The following CRACR2B variants were observed in gnomAD, a reference collection of about 807,000 sequenced individuals.
CRACR2B encodes calcium release activated channel regulator 2B, also known as EF-hand calcium-binding domain-containing protein 4A.
Under a neutral mutation model 46.0 loss-of-function variants are expected in CRACR2B, and 50 were observed. The ratio of observed to expected loss-of-function variants is 1.09; its 90% CI spans 0.87 to 1.38. CRACR2B has a LOEUF of 1.38. CRACR2B is among the 40% of genes most tolerant of loss of function. CRACR2B has a pLI of 0.00. For missense variants in CRACR2B, 667 were observed against 535.0 expected (o/e 1.25, Z -2.43); for synonymous variants, 277 against 239.6 (o/e 1.16, Z -1.44).
chr11:827,616 GACA>G (rs1297986574), upstream of CRACR2B: 6 of 881,814 alleles, frequency 6.8e-6, no homozygotes, highest in African/African-American at 9.1e-5. Flanking sequence ...GGGCGGGCGA[GACA>G]ACAACGTGGC....
chr11:828,710 G>A lies in CRACR2B; in HGVS notation c.103G>A (p.Glu35Lys), dbSNP rs774338646. The change falls in exon 1 of 9, where the codon GAG becomes AAG. Residue 35 changes from glutamate to lysine, a missense_variant. Physicochemically the swap from Glu to Lys is moderately conservative, Grantham distance 56 (BLOSUM62 1). Coordinates refer to ENST00000525077, the MANE Select transcript of CRACR2B (RefSeq NM_001286606.2). ...GCGGGCTGCAATACTGGAGCAGGCT[G>A]AGGAGCTGTTTCTGCTGTGTGACAA... is the stretch of plus-strand genomic sequence containing the variant. ...GPRAAILEQA[E>K]ELFLLCDKEA... 1.2e-5 allele frequency: 19 copies of A among 1,613,126 alleles called. No homozygotes were observed. The highest frequency in any genetic ancestry group is 1.5e-5 in the Non-Finnish European group (18 of 1,179,808).
In CRACR2B at chr11:829,341, G is replaced by A. The variant is rs976375254; in HGVS notation, c.278-19G>A. ...GTGGCGACCCACAGCCCTGGTAATC[G>A]CTCGCTCCATGCCCGCAGGGATGTT... On this transcript the variant is annotated intron_variant, in intron 2 of 8. Transcript: ENST00000525077. The A allele has an allele frequency of 3.1e-6, 5 of 1,587,390 alleles. No individual in the cohort carries two copies. The highest frequency in any genetic ancestry group is 4.3e-6 in the Non-Finnish European group (5 of 1,170,432).
At position 830,241 on chromosome 11, in the gene CRACR2B, C is replaced by A. The variant is rs895045991; in HGVS notation, c.606-9C>A. ...AAGTTCTCATCCGGGGTCGCCCGGTCCCCCGAAGGCGCGAGAGCGAGCACG... is the reference window on the plus strand; with the variant it reads ...AAGTTCTCATCCGGGGTCGCCCGGTACCCCGAAGGCGCGAGAGCGAGCACG... On this transcript the variant is annotated splice_polypyrimidine_tract_variant and intron_variant, in intron 4 of 8. Transcript: ENST00000525077. The A allele has an allele frequency of 2.0e-6, 3 of 1,503,462 alleles. No homozygotes were observed. The highest frequency in any genetic ancestry group is 2.7e-6 in the Non-Finnish European group (3 of 1,123,774). 93.1% of individuals were successfully genotyped at this position (1,503,462 alleles called of 1,614,324 possible). A position where few individuals can be genotyped will look rare whatever the true frequency, so the allele number is the denominator to read the frequency against.
chr11:830,730 T>A lies in CRACR2B; in HGVS notation c.786+17T>A. The A allele has an allele frequency of 6.6e-7, 1 of 1,518,058 alleles. No individual in the cohort carries two copies. Among genetic ancestry groups the A allele is most frequent in the East Asian group, 2.5e-5 (1 of 40,636 alleles). The allele number at this position is 1,518,058 out of a possible 1,614,324, so 94.0% of individuals were successfully genotyped here. A position where few individuals can be genotyped will look rare whatever the true frequency, so the allele number is the denominator to read the frequency against. ...CAGCGGGAGGTGAGCACCCGGCCCC[T>A]GCCCTGTCCCCACGGTCACCCGTGC... is the stretch of plus-strand genomic sequence containing the variant. On this transcript the variant is annotated intron_variant, in intron 6 of 8. Transcript: ENST00000525077.
At position 831,769 on chromosome 11, in the gene CRACR2B, T is replaced by G. The variant is rs867887701; in HGVS notation, c.*60T>G. 6.8e-7 allele frequency: 1 copy of G among 1,460,368 alleles called. No homozygotes were observed. The highest frequency in any genetic ancestry group is 1.5e-5 in the African/African-American group (1 of 68,230). The allele number at this position is 1,460,368 out of a possible 1,614,324, so 90.5% of individuals were successfully genotyped here. ...AGCTGCCCTTGCAGGAGGCTTGTCA[T>G]GGGTCGGGGGTGCCCACTCAGGATG... On this transcript the variant is annotated 3_prime_UTR_variant, in exon 9 of 9. Coordinates refer to ENST00000525077, the MANE Select transcript of CRACR2B (RefSeq NM_001286606.2).
At chr11:826,991 G>A (rs1228276147), upstream of CRACR2B, among the ~76,000 whole-genome samples, 1 of 152,210 alleles carries the variant, frequency 6.6e-6, no homozygotes, top group Non-Finnish European at 1.5e-5. Flanking sequence ...CCCAGGCGCT[G>A]GTGTCTGCGC....
At chr11:830,830 G>T in intron 6 of CRACR2B, 36 bp from the exon 7 acceptor site, 1 of 1,495,762 alleles carries the variant, frequency 6.7e-7, no homozygotes, top group South Asian at 1.3e-5. Flanking sequence ...GGAAGAGGGG[G>T]CGTTCCTCGC....
At chr11:829,655 G>T in intron 3 of CRACR2B, 115 bp downstream of exon 3, 1 of 1,205,150 alleles carries the variant, frequency 8.3e-7, no homozygotes, top group Non-Finnish European at 1.1e-6. Context: ...GCCGGGTCAG[G>T]CCCAGCCTAG....
chr11:829,686 G>T, intron 3 of CRACR2B, 146 bp downstream of exon 3: 1 of 1,074,898 alleles, frequency 9.3e-7, no homozygotes, highest in Non-Finnish European at 1.3e-6. Flanking sequence ...GATTCCCTGG[G>T]AGGGACCCGG....
intron 6 of CRACR2B, 76 bp from the exon 7 acceptor site, chr11:830,790 C>T (rs564817336): frequency 1.3e-6 from 2 of 1,481,932 alleles, no homozygotes; most frequent in African/African-American, 1.4e-5. Flanking sequence ...CCCGGGTTGT[C>T]GGGAGCCTGG....
chr11:830,363 G>T (rs765430831), intron 5 of CRACR2B, 26 bp downstream of exon 5: 6 of 1,536,374 alleles, frequency 3.9e-6, no homozygotes, highest in Non-Finnish European at 5.2e-6. Context: ...CGCCCCTCCC[G>T]CCAGGCCCAA....
rs750929517 is a variant in CRACR2B at position 830,078 on chromosome 11, C to T, written c.551C>T (p.Ala184Val). ...GAGGATGTTCTGATACGCGCGTCGGCCTGCCTGGAGGAGGCGGCCCGGGAG... is the reference window on the plus strand; with the variant it reads ...GAGGATGTTCTGATACGCGCGTCGGTCTGCCTGGAGGAGGCGGCCCGGGAG... ...SFEDVLIRAS[A>V]CLEEAARERD... Residue 184 changes from alanine to valine, a missense_variant, in exon 4 of 9, where the codon GCC (alanine) becomes GTC (valine). Coordinates refer to ENST00000525077, the MANE Select transcript of CRACR2B (RefSeq NM_001286606.2). 1.9e-6 allele frequency: 3 copies of T among 1,549,214 alleles called. No individual in the cohort carries two copies. Among genetic ancestry groups the T allele is most frequent in the South Asian group, 2.3e-5 (2 of 85,288 alleles).
intron 7 of CRACR2B, 27 bp downstream of exon 7, chr11:831,059 C>T: frequency 6.5e-7 from 1 of 1,536,278 alleles, no homozygotes; most frequent in Non-Finnish European, 8.7e-7. Flanking sequence ...CTGGGCGGGC[C>T]CCGGTGCGTG....
Position 829,983 on chromosome 11 carries a change from C to T in CRACR2B, c.459-3C>T. On this transcript the variant is annotated splice_polypyrimidine_tract_variant and splice_region_variant and intron_variant, in intron 3 of 8. Transcript: ENST00000525077. ...CCAGCCTCAGTTCCCGCCCGCCCTC[C>T]AGGCAGCGGGCTGTGAGGACGCTCT... The T allele has an allele frequency of 6.4e-7, 1 of 1,564,128 alleles. No homozygotes were observed. The highest frequency in any genetic ancestry group is 8.6e-7 in the Non-Finnish European group (1 of 1,161,494).
chr11:829,215 T>G (rs1320424233), intron 2 of CRACR2B, 145 bp from the exon 3 acceptor site: 1 of 1,441,150 alleles, frequency 6.9e-7, no homozygotes, highest in South Asian at 1.4e-5. Flanking sequence ...TCACCTCTTG[T>G]TTCCAGGCCA....
chr11:829,014 C>G (rs1846148691), intron 2 of CRACR2B, 51 bp downstream of exon 2: 20 of 1,589,064 alleles, frequency 1.3e-5, no homozygotes, highest in Non-Finnish European at 1.5e-5. Context: ...GAGGCCTGAT[C>G]AGGAGGCCTG....
In CRACR2B at chr11:830,535, C is replaced by A. The variant is rs1255006262; in HGVS notation, c.694-86C>A. 4 of 1,544,488 alleles carry A rather than the reference C, an allele frequency of 2.6e-6. No individual in the cohort carries two copies. In the South Asian group the frequency reaches 4.8e-5, roughly 18 times the overall value. ...TCCACCCGACCCCGCTCCGCCCGGG[C>A]CCACTCCCAGCCCCTGGCCCTCCGT... On this transcript the variant is annotated intron_variant, in intron 5 of 8. Transcript: ENST00000525077.
chr11:830,429 G>C, intron 5 of CRACR2B, 92 bp downstream of exon 5: 1 of 1,536,118 alleles, frequency 6.5e-7, no homozygotes, highest in South Asian at 1.2e-5. Context: ...CCTCCCCGAC[G>C]GCCCCACCTC....
chr11:830,521 C>T (rs1285908060), intron 5 of CRACR2B, 100 bp from the exon 6 acceptor site: 3 of 1,541,724 alleles, frequency 1.9e-6, no homozygotes, highest in South Asian at 1.2e-5. Flanking sequence ...CCACCCGACC[C>T]CGCTCCGCCC....
Sources: allele counts gnomAD v4.1 joint callset (sites outside exome capture counted in the v4.1 genomes callset), GRCh38; gene constraint gnomAD v4.1.1; transcripts MANE v1.5; gene names NCBI Gene and HGNC (gene_info 2026-07-23, HGNC 2026-07-21).